ADRA1A: variants seen among roughly 807,000 people sequenced by gnomAD.
ADRA1A encodes adrenoceptor alpha 1A.
In ADRA1A, 31 loss-of-function variants were observed where a neutral mutation model predicts 29.6. That is an observed-to-expected ratio of 1.05 (90% CI 0.79 to 1.41). The LOEUF is 1.41. Among genes scored for constraint, ADRA1A ranks in the 40% most tolerant of loss-of-function variants. ADRA1A has a pLI of 0.00. For missense variants in ADRA1A, 619 were observed against 601.1 expected, an observed-to-expected ratio of 1.03 and a Z score of -0.31; for synonymous variants, 311 against 254.3, an observed-to-expected ratio of 1.22 and a Z score of -2.12.
intron 2 of ADRA1A, among the ~76,000 whole-genome samples, chr8:26,802,201 C>T (rs1433432381): frequency 4.0e-5 from 6 of 151,710 alleles, no homozygotes; most frequent in African/African-American, 1.5e-4. Flanking sequence ...GCACAGGCAA[C>T]CAAAGCAAAA....
At chr8:26,793,815 G>A (rs147377301) in intron 2 of ADRA1A, among the ~76,000 whole-genome samples, 3 of 151,878 alleles carry the variant, frequency 2.0e-5, no homozygotes, top group African/African-American at 7.2e-5. Flanking sequence ...TTTATCCTTA[G>A]AAACTGTTGG....
chr8:26,805,850 T>C lies in ADRA1A; in HGVS notation c.884-35184A>G, dbSNP rs1351635751. Among the ~76,000 whole-genome samples the C allele has an allele frequency of 6.6e-6, 1 of 152,192 alleles. No individual in the cohort carries two copies. Among genetic ancestry groups the C allele is most frequent in the Non-Finnish European group, 1.5e-5 (1 of 68,040 alleles). On this transcript the variant is annotated intron_variant, in intron 2 of 2. Coordinates refer to ENST00000380573, the MANE Select transcript of ADRA1A (RefSeq NM_000680.4). The surrounding 1 kb of genome is among the most constrained non-coding windows in gnomAD (Gnocchi z 4.8). ...CCCCCCCACATAGATTTGGCATTATTAACAGAGCCAAAGCCAAGTGACGTT... is the reference window on the plus strand; with the variant it reads ...CCCCCCCACATAGATTTGGCATTATCAACAGAGCCAAAGCCAAGTGACGTT...
downstream of ADRA1A, among the ~76,000 whole-genome samples, chr8:26,764,561 C>T (rs903374582): frequency 6.6e-5 from 10 of 152,252 alleles, no homozygotes; most frequent in Non-Finnish European, 1.0e-4. Context: ...ATGGAGGTGT[C>T]ATGGAAAAAG....
At chr8:26,813,094 C>T (rs990979397) in intron 2 of ADRA1A, among the ~76,000 whole-genome samples, 1 of 152,004 alleles carries the variant, frequency 6.6e-6, no homozygotes, top group African/African-American at 2.4e-5. Context: ...CAATTGAAAG[C>T]TAAGGGACAG....
chr8:26,765,101 ACCAT>A (rs1805703785), downstream of ADRA1A, among the ~76,000 whole-genome samples: 2 of 152,200 alleles, frequency 1.3e-5, no homozygotes, highest in East Asian at 3.8e-4. Flanking sequence ...CCATGACTCA[ACCAT>A]CCTGCTTTAA....
rs1268717450 is a variant in ADRA1A at position 26,817,641 on chromosome 8, G to C, written c.883+46446C>G. ...AAAAATACAAAAATTAGCTGGGCAT[G>C]GTGGCAGATGCCTGTAGACCCAACC... is the stretch of plus-strand genomic sequence containing the variant. On this transcript the variant is annotated intron_variant, in intron 2 of 2. Transcript: ENST00000380573. Among the ~76,000 whole-genome samples the C allele has an allele frequency of 1.3e-4, 20 of 152,136 alleles. 1 individual carries two copies. Among genetic ancestry groups the C allele is most frequent in the Non-Finnish European group, 2.9e-4 (20 of 68,028 alleles).
intron 2 of ADRA1A, among the ~76,000 whole-genome samples, chr8:26,784,174 C>T (rs1807207023): frequency 6.6e-6 from 1 of 152,162 alleles, no homozygotes; most frequent in South Asian, 2.1e-4. Flanking sequence ...TACCCCGGAA[C>T]TTAAAATAAA....
intron 2 of ADRA1A, among the ~76,000 whole-genome samples, chr8:26,793,847 G>A (rs1425299173): frequency 2.0e-5 from 3 of 151,852 alleles, no homozygotes; most frequent in Non-Finnish European, 2.9e-5. Context: ...TTATATTCAT[G>A]CTATATAAGT....
intron 2 of ADRA1A, among the ~76,000 whole-genome samples, chr8:26,791,249 A>G (rs940582924): frequency 1.3e-5 from 2 of 152,168 alleles, no homozygotes; most frequent in South Asian, 4.1e-4. Flanking sequence ...GGTTATTTCC[A>G]GTTTCCTCTA....
In ADRA1A at chr8:26,865,203, C is replaced by G; in HGVS notation, c.-234G>C. ...GGCATTAAAGACATGGCCAGGGGCG[C>G]GCGGGGCTGCCGGGGACCCTCTCCA... is the stretch of plus-strand genomic sequence containing the variant. On this transcript the variant is annotated 5_prime_UTR_variant, in exon 2 of 3. Transcript: ENST00000380573. This position sits in a 1 kb window ranked among gnomAD's most constrained non-coding sequence, Gnocchi z 7.6. 2.2e-6 allele frequency: 3 copies of G among 1,359,994 alleles called. No individual in the cohort carries two copies. The highest frequency in any genetic ancestry group is 2.8e-6 in the Non-Finnish European group (3 of 1,058,584). 84.2% of individuals were successfully genotyped at this position (1,359,994 alleles called of 1,614,324 possible). A position where few individuals can be genotyped will look rare whatever the true frequency, so the allele number is the denominator to read the frequency against.
At chr8:26,750,360 C>A (rs532017951) in intron 2 of ADRA1A, among the ~76,000 whole-genome samples, 1 of 152,242 alleles carries the variant, frequency 6.6e-6, no homozygotes, top group South Asian at 2.1e-4. Flanking sequence ...TGCCACCATG[C>A]CCAACTAATT....
Position 26,785,375 on chromosome 8 carries a change from A to C in ADRA1A, c.884-14709T>G, listed in dbSNP as rs563515932. Among the ~76,000 whole-genome samples, 14 of 152,294 alleles carry C rather than the reference A, an allele frequency of 9.2e-5. No individual in the cohort carries two copies. The South Asian group carries it at 2.7e-3, about 29-fold the overall frequency. On this transcript the variant is annotated intron_variant, in intron 2 of 2. Transcript: ENST00000380573. ...TTATAATCACCTCATATAAACACTT[A>C]AGGCAACAAGAGCTGAGCTGACGTC...
At chr8:26,776,437 A>G (rs900836982) in intron 2 of ADRA1A, among the ~76,000 whole-genome samples, 3 of 152,228 alleles carry the variant, frequency 2.0e-5, no homozygotes, top group Admixed American at 6.5e-5. Context: ...CTGGAGTTGC[A>G]TAAGGCTAAA....
At chr8:26,857,289 A>G (rs1371379046) in intron 2 of ADRA1A, among the ~76,000 whole-genome samples, 2 of 152,286 alleles carry the variant, frequency 1.3e-5, no homozygotes, top group East Asian at 3.9e-4. Flanking sequence ...ATCATGAGAC[A>G]TAGATGGCTG....
At position 26,769,748 on chromosome 8, in the gene ADRA1A, A is replaced by G. The variant is rs17055967; in HGVS notation, c.*401T>C. The stretch of plus-strand genomic sequence containing the variant: ...CTGTCAGTAGGTTGAGCCTGAAAAT[A>G]AAATCCCCTCACTTCCATCAAGAAA... On this transcript the variant is annotated 3_prime_UTR_variant, in exon 3 of 3. Coordinates refer to ENST00000380573, the MANE Select transcript of ADRA1A (RefSeq NM_000680.4). The G allele has an allele frequency of 6.8e-3, 6,784 of 992,286 alleles. 165 individuals carry two copies. The Admixed American group carries it at 0.1, about 15-fold the overall frequency. The allele number at this position is 992,286 out of a possible 1,614,324, so 61.5% of individuals were successfully genotyped here. A position where few individuals can be genotyped will look rare whatever the true frequency, so the allele number is the denominator to read the frequency against.
intron 2 of ADRA1A, among the ~76,000 whole-genome samples, chr8:26,826,473 T>G (rs1231175690): frequency 6.6e-6 from 1 of 152,242 alleles, no homozygotes; most frequent in Non-Finnish European, 1.5e-5. Flanking sequence ...ATAACTCTAT[T>G]GGTATAAAGA....
At chr8:26,849,901 G>A (rs142957389) in intron 2 of ADRA1A, among the ~76,000 whole-genome samples, 90 of 152,064 alleles carry the variant, frequency 5.9e-4, no homozygotes, top group East Asian at 2.3e-3. Flanking sequence ...TATGGAGTGG[G>A]ATGGAGGGAA....
At chr8:26,783,714 A>C (rs1298619828) in intron 2 of ADRA1A, among the ~76,000 whole-genome samples, 1 of 152,242 alleles carries the variant, frequency 6.6e-6, no homozygotes, top group Non-Finnish European at 1.5e-5. Flanking sequence ...ATTCTATTTC[A>C]AAGATACATG....
At position 26,841,851 on chromosome 8, in the gene ADRA1A, C is replaced by T. The variant is rs750485054; in HGVS notation, c.883+22236G>A. On this transcript the variant is annotated intron_variant, in intron 2 of 2. Transcript: ENST00000380573. This position sits in a 1 kb window ranked among gnomAD's most constrained non-coding sequence, Gnocchi z 4.4. The stretch of plus-strand genomic sequence containing the variant: ...ACTTCTCTGCTGCATTTGATATTGG[C>T]GCCACTTTCTCTTCACTAAAATTCT... Among the ~76,000 whole-genome samples, 2 of 152,100 alleles carry T rather than the reference C, an allele frequency of 1.3e-5. No homozygotes were observed. Among genetic ancestry groups the T allele is most frequent in the Admixed American group, 6.5e-5 (1 of 15,274 alleles).
Sources: gnomAD v4.1 joint callset for allele counts (sites outside exome capture counted in the v4.1 genomes callset) on GRCh38, gnomAD v4.1.1 for gene constraint, Gnocchi (gnomAD v3.1) non-coding constraint, MANE v1.5 for transcripts, NCBI Gene and HGNC (gene_info 2026-07-23, HGNC 2026-07-21) for gene names.